GLIS3: variants seen among roughly 807,000 people sequenced by gnomAD.
GLIS3 encodes the protein zinc finger protein GLIS3.
A neutral mutation model predicts 78.6 loss-of-function variants in GLIS3; 53 were observed. That is an observed-to-expected ratio of 0.67 (90% CI 0.54 to 0.85). The LOEUF is 0.85. Among genes scored for constraint, GLIS3 ranks in the 40% least tolerant of loss-of-function variants. The pLI, the probability that GLIS3 is intolerant of heterozygous loss-of-function variation, is 0.00. For synonymous variants in GLIS3, 684 were observed against 509.9 expected, an observed-to-expected ratio of 1.34 and a Z score of -4.60; for missense variants, 1,703 against 1,231.1, an observed-to-expected ratio of 1.38 and a Z score of -5.74.
At chr9:4,151,791 A>T (rs993487719) in intron 2 of GLIS3, among the ~76,000 whole-genome samples, 2 of 152,182 alleles carry the variant, frequency 1.3e-5, no homozygotes, top group African/African-American at 4.8e-5. Flanking sequence ...GTAATGAAGC[A>T]TAATAATCAT....
intron 2 of GLIS3, among the ~76,000 whole-genome samples, chr9:4,156,364 A>C (rs1586830083): frequency 6.6e-6 from 1 of 152,226 alleles, no homozygotes. Context: ...TCAGGAGAGA[A>C]GCACTAAATC....
chr9:4,205,042 G>T (rs1819741769), intron 2 of GLIS3, among the ~76,000 whole-genome samples: 1 of 151,998 alleles, frequency 6.6e-6, no homozygotes, highest in Non-Finnish European at 1.5e-5. Context: ...TGGGCGTGGT[G>T]GTTCACACCT....
chr9:4,434,639 C>T, the GLIS3 span, among the ~76,000 whole-genome samples: 11 of 152,148 alleles, frequency 7.2e-5, no homozygotes, highest in Non-Finnish European at 1.0e-4. Context: ...AAGAAACCTT[C>T]TCTAGAGGTG....
intron 4 of GLIS3, among the ~76,000 whole-genome samples, chr9:3,938,818 G>A (rs1826036454): frequency 6.6e-6 from 1 of 152,174 alleles, no homozygotes; most frequent in South Asian, 2.1e-4. Context: ...CGTCACTAGA[G>A]GGAGAGAGGA....
the GLIS3 span, among the ~76,000 whole-genome samples, chr9:4,474,566 G>C: frequency 6.6e-6 from 1 of 152,140 alleles, no homozygotes; most frequent in African/African-American, 2.4e-5. Flanking sequence ...ATAGATTTTA[G>C]ATTGAAATGA....
At chr9:3,944,280 A>G (rs1816140657) in intron 4 of GLIS3, among the ~76,000 whole-genome samples, 1 of 152,236 alleles carries the variant, frequency 6.6e-6, no homozygotes, top group East Asian at 1.9e-4. Context: ...ATTTTTATGG[A>G]AATTATCAAG....
chr9:4,089,793 T>C (rs1393970857), intron 4 of GLIS3, among the ~76,000 whole-genome samples: 3 of 152,250 alleles, frequency 2.0e-5, no homozygotes, highest in East Asian at 3.9e-4. Flanking sequence ...CATTCTAGCC[T>C]GGGCAACAAA....
intron 4 of GLIS3, among the ~76,000 whole-genome samples, chr9:4,062,508 C>T (rs1293220676): frequency 1.3e-5 from 2 of 152,204 alleles, no homozygotes; most frequent in Admixed American, 6.5e-5. Context: ...AACCATATCA[C>T]ATATTTGCTG....
At chr9:4,319,679 G>T (rs890014678) in intron 2 of GLIS3, among the ~76,000 whole-genome samples, 1 of 152,010 alleles carries the variant, frequency 6.6e-6, no homozygotes, top group Non-Finnish European at 1.5e-5. Context: ...ATAGGTGTTT[G>T]CCACCACGCC....
the GLIS3 span, among the ~76,000 whole-genome samples, chr9:4,389,630 G>A: frequency 1.3e-5 from 2 of 152,162 alleles, no homozygotes; most frequent in Non-Finnish European, 2.9e-5. Flanking sequence ...CCTGGACACT[G>A]GAAGTATGCT....
chr9:4,362,929 G>A, the GLIS3 span, among the ~76,000 whole-genome samples: 9 of 152,090 alleles, frequency 5.9e-5, no homozygotes, highest in Non-Finnish European at 1.3e-4. Context: ...GGAGAGAGAT[G>A]AAGAAGGTAG....
rs546918857 is a variant in GLIS3, at chr9:4,341,565, C to T, written n.264+5516G>A. On this transcript the variant is annotated intron_variant and non_coding_transcript_variant, in intron 2 of 4. Coordinates refer to the GLIS3 transcript ENST00000471664. ...CCCTCATTCTCTTCTGTCCTCAGAC[C>T]CCTAGCACTTCCTCACCTATACTCA... is the stretch of plus-strand genomic sequence containing the variant. Among the ~76,000 whole-genome samples the T allele has an allele frequency of 2.6e-5, 4 of 152,310 alleles. No individual in the cohort carries two copies. In the South Asian group the frequency reaches 8.3e-4, roughly 32 times the overall value.
the GLIS3 span, among the ~76,000 whole-genome samples, chr9:4,364,399 G>A: frequency 1.3e-5 from 2 of 152,150 alleles, no homozygotes; most frequent in South Asian, 4.1e-4. Flanking sequence ...ATTTTTAAGT[G>A]TGAACAGTTT....
intron 4 of GLIS3, among the ~76,000 whole-genome samples, chr9:4,107,717 T>C (rs1189792450): frequency 6.6e-6 from 1 of 151,684 alleles, no homozygotes; most frequent in East Asian, 1.9e-4. Flanking sequence ...ATGGAAAAAT[T>C]AATTTGTTTT....
chr9:3,896,285 C>T (rs1358743420), intron 7 of GLIS3, among the ~76,000 whole-genome samples: 1 of 151,998 alleles, frequency 6.6e-6, no homozygotes, highest in Non-Finnish European at 1.5e-5. Flanking sequence ...GGTTTGTTGC[C>T]TACTCTGCAA....
intron 8 of GLIS3, among the ~76,000 whole-genome samples, chr9:3,861,840 A>AT (rs1588108536): frequency 6.6e-6 from 1 of 152,202 alleles, no homozygotes; most frequent in East Asian, 1.9e-4. Flanking sequence ...GCGGGGCTTA[A>AT]TACTTAGGTG....
At chr9:4,103,605 A>T (rs1830539035) in intron 4 of GLIS3, among the ~76,000 whole-genome samples, 1 of 152,168 alleles carries the variant, frequency 6.6e-6, no homozygotes, top group Non-Finnish European at 1.5e-5. Context: ...TGTCATCCCC[A>T]TGTCACCCTC....
intron 2 of GLIS3, among the ~76,000 whole-genome samples, chr9:4,257,678 A>C (rs955718764): frequency 6.6e-6 from 1 of 151,824 alleles, no homozygotes; most frequent in Non-Finnish European, 1.5e-5. Context: ...GGTTCAGGCC[A>C]TTCCCCTGCC....
At chr9:4,364,374 G>A in the GLIS3 span, among the ~76,000 whole-genome samples, 1 of 152,112 alleles carries the variant, frequency 6.6e-6, no homozygotes, top group Non-Finnish European at 1.5e-5. Context: ...AAGTCTTAAG[G>A]TACAATATTT....
Sources: gnomAD v4.1 joint callset for allele counts (sites outside exome capture counted in the v4.1 genomes callset) on GRCh38, gnomAD v4.1.1 for gene constraint, MANE v1.5 for transcripts, NCBI Gene and HGNC (gene_info 2026-07-23, HGNC 2026-07-21) for gene names.